NRG3: variants seen among roughly 807,000 people sequenced by gnomAD.
NRG3 encodes pro-neuregulin-3, membrane-bound isoform.
In NRG3, 31 loss-of-function variants were observed where a neutral mutation model predicts 66.9. That is an observed-to-expected ratio of 0.46 (90% CI 0.35 to 0.63). NRG3 has a LOEUF of 0.63. Ranked by LOEUF, NRG3 falls within the 20% of genes least tolerant of loss-of-function variation. The probability of loss-of-function intolerance (pLI) is 0.00; values close to 1 mark genes in which losing one functional copy is unlikely to be tolerated. For missense variants in NRG3, 910 were observed against 878.9 expected (o/e 1.04, Z -0.45); for synonymous variants, 393 against 359.4 (o/e 1.09, Z -1.06).
intron 1 of NRG3, among the ~76,000 whole-genome samples, chr10:82,019,372 A>C (rs2061948001): frequency 6.6e-6 from 1 of 152,192 alleles, no homozygotes; most frequent in African/African-American, 2.4e-5. Context: ...ATCAATGTTC[A>C]TCTGGGATTA....
chr10:82,589,970 G>C (rs1451170831), intron 2 of NRG3, among the ~76,000 whole-genome samples: 1 of 152,190 alleles, frequency 6.6e-6, no homozygotes, highest in Non-Finnish European at 1.5e-5. Flanking sequence ...TTATAGAACA[G>C]TCACTGAAAA....
chr10:82,581,505 T>A (rs1284109979), intron 2 of NRG3, among the ~76,000 whole-genome samples: 1 of 152,004 alleles, frequency 6.6e-6, no homozygotes, highest in African/African-American at 2.4e-5. Context: ...GTACTTCATA[T>A]AAAATTAATT....
intron 1 of NRG3, among the ~76,000 whole-genome samples, chr10:82,126,114 C>T (rs913958438): frequency 2.0e-5 from 3 of 151,966 alleles, no homozygotes; most frequent in Non-Finnish European, 2.9e-5. Flanking sequence ...GGGTGTTGGA[C>T]AGCCAGATCT....
intron 1 of NRG3, among the ~76,000 whole-genome samples, chr10:82,022,945 A>T (rs1290405628): frequency 1.3e-5 from 2 of 150,986 alleles, no homozygotes; most frequent in Non-Finnish European, 3.0e-5. Flanking sequence ...ATATATATTT[A>T]TGGGGTACAT....
chr10:82,058,260 C>G (rs1352815506), intron 1 of NRG3, among the ~76,000 whole-genome samples: 1 of 151,778 alleles, frequency 6.6e-6, no homozygotes, highest in Non-Finnish European at 1.5e-5. Context: ...TTTGTTATAT[C>G]TAGTTTTAAC....
chr10:81,902,615 A>G (rs1300296403), intron 1 of NRG3, among the ~76,000 whole-genome samples: 1 of 152,188 alleles, frequency 6.6e-6, no homozygotes, highest in Non-Finnish European at 1.5e-5. Flanking sequence ...TGCCTATAGA[A>G]TAATGAGAAA....
intron 1 of NRG3, among the ~76,000 whole-genome samples, chr10:81,956,508 A>C (rs1407278502): frequency 6.6e-6 from 1 of 152,200 alleles, no homozygotes; most frequent in East Asian, 1.9e-4. Context: ...AAACATTGCA[A>C]GATAATGCAT....
chr10:82,112,205 T>C (rs1025381723), intron 1 of NRG3, among the ~76,000 whole-genome samples: 5 of 152,174 alleles, frequency 3.3e-5, no homozygotes, highest in African/African-American at 1.2e-4. Context: ...ATCACATCAC[T>C]ACACTCCAGC....
chr10:82,456,347 G>C (rs1287523314), intron 2 of NRG3, among the ~76,000 whole-genome samples: 1 of 151,602 alleles, frequency 6.6e-6, no homozygotes, highest in Non-Finnish European at 1.5e-5. Context: ...GTTATTATTT[G>C]GTAGAGAAAG....
rs535025427 is a variant in NRG3, at chr10:82,946,298, T to C, written c.1055-5171T>C. Among the ~76,000 whole-genome samples, 22 of 151,418 alleles carry C rather than the reference T, an allele frequency of 1.5e-4. No individual in the cohort carries two copies. The South Asian group carries it at 4.0e-3, about 27-fold the overall frequency. On this transcript the variant is annotated intron_variant, in intron 4 of 8. Transcript: ENST00000372141. Reference sequence around the variant, plus strand: ...GCTCGCGCCTGTAATCCCAGCACTTTGGAAGGCCAAGGTGGGTGGATCACA... The same window carrying C: ...GCTCGCGCCTGTAATCCCAGCACTTCGGAAGGCCAAGGTGGGTGGATCACA...
intron 1 of NRG3, among the ~76,000 whole-genome samples, chr10:81,963,164 C>T (rs1319107346): frequency 1.4e-4 from 14 of 97,184 alleles, no homozygotes; most frequent in African/African-American, 4.9e-4. Flanking sequence ...GACGGAGTCT[C>T]GCTCTGTCGC....
At chr10:81,953,952 A>C (rs2133214595) in intron 1 of NRG3, among the ~76,000 whole-genome samples, 1 of 152,348 alleles carries the variant, frequency 6.6e-6, no homozygotes, top group South Asian at 2.1e-4. Context: ...ATATTGAATT[A>C]GACTTAAAAT....
At chr10:82,514,097 A>G (rs1204551841) in intron 2 of NRG3, among the ~76,000 whole-genome samples, 1 of 152,112 alleles carries the variant, frequency 6.6e-6, no homozygotes, top group Non-Finnish European at 1.5e-5. Context: ...GACCTTTGTT[A>G]AATGGACAGA....
chr10:82,429,471 G>A (rs2089657192), intron 2 of NRG3, among the ~76,000 whole-genome samples: 1 of 151,872 alleles, frequency 6.6e-6, no homozygotes, highest in Non-Finnish European at 1.5e-5. Context: ...TGGACTCCAT[G>A]GTTTCTAATG....
chr10:82,063,197 C>T (rs2064259446), intron 1 of NRG3, among the ~76,000 whole-genome samples: 1 of 152,098 alleles, frequency 6.6e-6, no homozygotes, highest in African/African-American at 2.4e-5. Flanking sequence ...TGAGAGTATT[C>T]ATGGCTGTTT....
intron 1 of NRG3, among the ~76,000 whole-genome samples, chr10:82,318,767 C>T (rs1182319504): frequency 6.6e-6 from 1 of 152,230 alleles, no homozygotes. Context: ...GTAGCAAAAT[C>T]AGGCCTCTTT....
intron 2 of NRG3, among the ~76,000 whole-genome samples, chr10:82,733,005 G>A (rs913349753): frequency 5.9e-5 from 9 of 152,172 alleles, no homozygotes; most frequent in African/African-American, 2.2e-4. Context: ...TAACACCAAA[G>A]AGTAAAGGCC....
At chr10:82,648,849 T>C (rs929140064) in intron 2 of NRG3, among the ~76,000 whole-genome samples, 3 of 152,208 alleles carry the variant, frequency 2.0e-5, no homozygotes, top group African/African-American at 4.8e-5. Context: ...TTTTTGTACA[T>C]TGATTTTGTA....
intron 3 of NRG3, among the ~76,000 whole-genome samples, chr10:82,816,275 G>A (rs183244893): frequency 6.6e-6 from 1 of 152,354 alleles, no homozygotes; most frequent in Admixed American, 6.5e-5. Flanking sequence ...GGACGAATGA[G>A]GTATGCAGAC....
Sources: gnomAD v4.1 joint callset for allele counts (sites outside exome capture counted in the v4.1 genomes callset) on GRCh38, gnomAD v4.1.1 for gene constraint, MANE v1.5 for transcripts, NCBI Gene and HGNC (gene_info 2026-07-23, HGNC 2026-07-21) for gene names.